The following NBPF9 variants were observed in gnomAD, a reference collection of about 807,000 sequenced individuals.
The protein encoded by NBPF9 is NBPF family member NBPF9.
In NBPF9, 91 loss-of-function variants were observed where a neutral mutation model predicts 97.8. The ratio of observed to expected loss-of-function variants is 0.93; its 90% CI spans 0.79 to 1.11. The LOEUF (loss-of-function observed/expected upper bound fraction) is 1.11, where lower values mean the gene tolerates loss of function less well. Ranked by LOEUF, NBPF9 falls within the 50% of genes least tolerant of loss-of-function variation. The pLI, the probability that NBPF9 is intolerant of heterozygous loss-of-function variation, is 0.00. For synonymous variants in NBPF9, 334 were observed against 359.5 expected (o/e 0.93, Z 0.80); for missense variants, 992 against 939.5 (o/e 1.06, Z -0.73).
chr1:149,087,318 A>AATAT (rs61093688), intron 5 of NBPF9, among the ~76,000 whole-genome samples: 8 of 146,426 alleles, frequency 5.5e-5, no homozygotes, highest in Middle Eastern at 3.3e-3. Flanking sequence ...CAAAACGGTG[A>AATAT]ATATATATAT....
intron 5 of NBPF9, among the ~76,000 whole-genome samples, chr1:149,084,486 G>T: frequency 6.8e-6 from 1 of 147,856 alleles, no homozygotes; most frequent in East Asian, 2.0e-4. Context: ...TGCACAGCTA[G>T]CAGAGTCGTG....
exon 14 of NBPF9, chr1:149,072,722 G>C: frequency 6.2e-7 from 1 of 1,611,670 alleles, no homozygotes; most frequent in East Asian, 2.2e-5. Flanking sequence ...CCTTACCTGG[G>C]CTGAGCTTTT....
exon 16 of NBPF9, chr1:149,070,989 A>G (rs1553652806): frequency 5.6e-6 from 9 of 1,612,398 alleles, no homozygotes; most frequent in Non-Finnish European, 7.6e-6. Context: ...AGCCAATGAG[A>G]GTTGAGTCGA....
chr1:149,064,361 C>G (rs1318031078), intron 19 of NBPF9, 70 bp downstream of exon 19: 6 of 789,504 alleles, frequency 7.6e-6, no homozygotes, highest in East Asian at 2.6e-5. Context: ...TCAGCATGTA[C>G]TGTTTTCCCT....
At chr1:149,059,893 A>T in intron 24 of NBPF9, 85 bp from the exon 25 acceptor site, 1 of 481,774 alleles carries the variant, frequency 2.1e-6, no homozygotes, top group East Asian at 2.7e-5. Flanking sequence ...TCACACAGGG[A>T]CCTCAGGCTC....
chr1:149,070,603 C>T (rs1195757397), intron 16 of NBPF9, among the ~76,000 whole-genome samples: 3 of 150,942 alleles, frequency 2.0e-5, no homozygotes, highest in African/African-American at 7.3e-5. Flanking sequence ...ATAGAAACTC[C>T]ATGGACATTG....
chr1:149,079,764 C>T (rs1397497522), intron 8 of NBPF9, among the ~76,000 whole-genome samples: 3 of 151,802 alleles, frequency 2.0e-5, no homozygotes, highest in Non-Finnish European at 4.4e-5. Flanking sequence ...TTTGAGTATA[C>T]TGAATGCTGC....
chr1:149,055,613 T>C (rs1553648591), exon 30 of NBPF9: 8 of 1,611,302 alleles, frequency 5.0e-6, no homozygotes, highest in Non-Finnish European at 6.8e-6. Flanking sequence ...TGCCTATAGG[T>C]CCTGCCTGCA....
intron 20 of NBPF9, 133 bp from the exon 21 acceptor site, chr1:149,063,046 C>G (rs1472779705): frequency 3.5e-6 from 2 of 563,840 alleles, no homozygotes; most frequent in African/African-American, 2.2e-5. Context: ...AGATATTCTT[C>G]AGGAGGCCTG....
chr1:149,058,816 C>A (rs1348655728), intron 26 of NBPF9, 109 bp downstream of exon 26: 8 of 708,674 alleles, frequency 1.1e-5, no homozygotes, highest in African/African-American at 3.6e-5. Flanking sequence ...ATAGGTCCTG[C>A]CTGTGGCAAT....
chr1:149,057,744 C>CAAACACACAA (rs1575821159), intron 27 of NBPF9, among the ~76,000 whole-genome samples: 4 of 103,916 alleles, frequency 3.8e-5, no homozygotes, highest in African/African-American at 1.0e-4. Context: ...CACACACACA[C>CAAACACACAA]ACACACACAG....
rs1553650250 is a variant in NBPF9 at position 149,062,255 on chromosome 1, C to A, written c.2089G>T (p.Glu697Ter). Residue 697 changes from glutamate to a stop codon, truncating the protein, a stop_gained, in exon 22 of 30, where the codon GAG becomes TAG. Transcript: ENST00000584027. LOFTEE classifies it high-confidence loss of function. Reference sequence around the variant, plus strand: ...TCAGGCTCTTTCTCATCCAGCAGCTCCCTGCTGAGCCTGGAAAAGTAGGAA... The same window carrying A: ...TCAGGCTCTTTCTCATCCAGCAGCTACCTGCTGAGCCTGGAAAAGTAGGAA... The A allele has an allele frequency of 1.2e-6, 1 of 823,600 alleles. No homozygotes were observed. Among genetic ancestry groups the A allele is most frequent in the Non-Finnish European group, 2.1e-6 (1 of 468,074 alleles). 51.0% of individuals were successfully genotyped at this position (823,600 alleles called of 1,614,324 possible).
chr1:149,090,505 A>C (rs2152920687), intron 5 of NBPF9: 1 of 372,926 alleles, frequency 2.7e-6, no homozygotes, highest in South Asian at 3.2e-5. Context: ...GAAACAAGGC[A>C]ATATTTTGCA....
chr1:149,068,942 CA>C (rs2079197910), intron 17 of NBPF9, among the ~76,000 whole-genome samples: 1 of 151,942 alleles, frequency 6.6e-6, no homozygotes, highest in Non-Finnish European at 1.5e-5. Flanking sequence ...ACAGTGCAAT[CA>C]AATTAGAACT....
At chr1:149,087,250 G>A (rs1222389341) in intron 5 of NBPF9, among the ~76,000 whole-genome samples, 9 of 146,914 alleles carry the variant, frequency 6.1e-5, no homozygotes, top group African/African-American at 7.5e-5. Flanking sequence ...ATATATATAT[G>A]TGTGTGTGTG....
exon 12 of NBPF9, chr1:149,075,800 G>T (rs782597302): frequency 4.4e-6 from 7 of 1,579,062 alleles, no homozygotes; most frequent in Non-Finnish European, 6.1e-6. Context: ...CTGCCTTCTC[G>T]CTGGACAAAG....
chr1:149,061,548 T>G, intron 22 of NBPF9, 165 bp from the exon 23 acceptor site: 1 of 387,670 alleles, frequency 2.6e-6, no homozygotes, highest in Admixed American at 4.0e-5. Flanking sequence ...TGATATTCTT[T>G]GGTTTGCATC....
intron 8 of NBPF9, among the ~76,000 whole-genome samples, chr1:149,079,457 T>G (rs1553655825): frequency 6.6e-6 from 1 of 151,636 alleles, no homozygotes. Context: ...ATCTTTCCCT[T>G]CTGTAAACAA....
At chr1:149,070,825 C>T in intron 16 of NBPF9, 109 bp downstream of exon 16, 2 of 1,462,770 alleles carry the variant, frequency 1.4e-6, no homozygotes, top group Non-Finnish European at 1.9e-6. Context: ...TGTTTAGAAA[C>T]CCATCACAGT....
Sources: gnomAD v4.1 joint callset for allele counts (sites outside exome capture counted in the v4.1 genomes callset) on GRCh38, gnomAD v4.1.1 for gene constraint, MANE v1.5 for transcripts, NCBI Gene and HGNC (gene_info 2026-07-23, HGNC 2026-07-21) for gene names.